Variants in EFCAB10 observed in about 807,000 individuals in gnomAD.
The protein encoded by EFCAB10 is EF-hand calcium binding domain 10.
A neutral mutation model predicts 7.7 loss-of-function variants in EFCAB10; 7 were observed. The ratio of observed to expected loss-of-function variants is 0.91; its 90% CI spans 0.52 to 1.72. EFCAB10 has a LOEUF of 1.72. Ranked by LOEUF, EFCAB10 falls within the 40% of genes most tolerant of loss-of-function variation. The pLI, the probability that EFCAB10 is intolerant of heterozygous loss-of-function variation, is 0.00. For missense variants in EFCAB10, 112 were observed against 61.5 expected, an observed-to-expected ratio of 1.82 and a Z score of -2.74; for synonymous variants, 52 against 21.0, an observed-to-expected ratio of 2.47 and a Z score of -4.03.
chr7:105,573,297 T>C (rs1791994349), intron 1 of EFCAB10: 1 of 152,202 alleles, frequency 6.6e-6, no homozygotes, highest in Non-Finnish European at 1.5e-5. Context: ...GTCTTCTGTT[T>C]CTTCTTCCTG....
intron 1 of EFCAB10, among the ~76,000 whole-genome samples, chr7:105,578,509 A>G (rs1792141330): frequency 6.6e-6 from 1 of 152,226 alleles, no homozygotes; most frequent in Non-Finnish European, 1.5e-5. Context: ...TCCAAATTTA[A>G]TAAGACCATA....
chr7:105,567,638 T>G, intron 3 of EFCAB10, 148 bp from the exon 4 acceptor site: 1 of 548,968 alleles, frequency 1.8e-6, no homozygotes, highest in Non-Finnish European at 3.2e-6. Flanking sequence ...AATTCTGTTG[T>G]GGATAATCAA....
chr7:105,580,486 ATTTTT>A (rs1468360919), intron 1 of EFCAB10, among the ~76,000 whole-genome samples: 1 of 151,446 alleles, frequency 6.6e-6, no homozygotes, highest in Non-Finnish European at 1.5e-5. Context: ...TTTTATTTTT[ATTTTT>A]ATTTTTGAGA....
At chr7:105,565,722 G>A in intron 4 of EFCAB10, 1 of 994,398 alleles carries the variant, frequency 1.0e-6, no homozygotes, top group Non-Finnish European at 1.5e-6. Context: ...TAACTTTAGG[G>A]TTCTGGAGAT....
chr7:105,574,444 C>T (rs1340173347), intron 1 of EFCAB10, among the ~76,000 whole-genome samples: 2 of 151,712 alleles, frequency 1.3e-5, no homozygotes, highest in East Asian at 3.9e-4. Flanking sequence ...CAAGTCATGT[C>T]TTACATGGAT....
intron 1 of EFCAB10, among the ~76,000 whole-genome samples, chr7:105,581,050 TC>T (rs1792220595): frequency 6.6e-6 from 1 of 152,162 alleles, no homozygotes; most frequent in South Asian, 2.1e-4. Flanking sequence ...CGAAACCCTG[TC>T]GCTACTAAAA....
chr7:105,569,654 C>T, intron 1 of EFCAB10, 83 bp from the exon 2 acceptor site: 8 of 642,944 alleles, frequency 1.2e-5, no homozygotes, highest in South Asian at 7.4e-5. Context: ...AATTATTAAA[C>T]AGCTATAGCA....
intron 1 of EFCAB10, among the ~76,000 whole-genome samples, chr7:105,570,237 A>AAAAAAAAAC (rs1791905624): frequency 1.8e-5 from 1 of 56,988 alleles, no homozygotes; most frequent in African/African-American, 7.9e-5. Flanking sequence ...AAAAAAAAAA[A>AAAAAAAAAC]AAAATATATA....
rs781780050 is a variant in EFCAB10 at position 105,574,516 on chromosome 7, G to A, written c.107-4945C>T. On this transcript the variant is annotated intron_variant, in intron 1 of 4. Transcript: ENST00000480514. ...CCTTTTTTTTTTGAGACGGAATCTC[G>A]CTCTGTTGCCCAGGCTGGAGTGCAG... Among the ~76,000 whole-genome samples, 12 of 151,564 alleles carry A rather than the reference G, an allele frequency of 7.9e-5. No homozygotes were observed. In the East Asian group the frequency reaches 9.8e-4, roughly 12 times the overall value.
At chr7:105,567,100 C>T (rs1554368693) in intron 4 of EFCAB10, 1 of 1,458,040 alleles carries the variant, frequency 6.9e-7, no homozygotes, top group South Asian at 1.5e-5. Flanking sequence ...CATTTCCCTC[C>T]TTTGTTTTCC....
At position 105,580,360 on chromosome 7, in the gene EFCAB10, C is replaced by T. The variant is rs554430060; in HGVS notation, c.106+998G>A. ...TAATTTTTTGTATTTGTAGCAGACA[C>T]GAGGTTTCACCATGTTGGCCAGGCT... On this transcript the variant is annotated intron_variant, in intron 1 of 4. Coordinates refer to ENST00000480514, the MANE Select transcript of EFCAB10 (RefSeq NM_001355526.2). Among the ~76,000 whole-genome samples, 10 of 152,120 alleles carry T rather than the reference C, an allele frequency of 6.6e-5. No individual in the cohort carries two copies. The South Asian group carries it at 1.9e-3, about 28-fold the overall frequency.
Position 105,565,218 on chromosome 7 carries a change from TA to T in EFCAB10, c.*228del. ...ACACTTCCTCAAATTTAAAATGATT[TA>T]AAAACTTGAAAAATAGAAACTGATG... On this transcript the variant is annotated 3_prime_UTR_variant, in exon 5 of 5. Transcript: ENST00000480514. The T allele has an allele frequency of 1.3e-6, 2 of 1,499,718 alleles. No individual in the cohort carries two copies. Among genetic ancestry groups the T allele is most frequent in the South Asian group, 2.5e-5 (2 of 79,168 alleles). 92.9% of individuals were successfully genotyped at this position (1,499,718 alleles called of 1,614,324 possible).
chr7:105,569,483 G>T lies in EFCAB10; in HGVS notation c.195C>A (p.Asn65Lys). The change falls in exon 2 of 5, where the codon AAC becomes AAA. Residue 65 changes from asparagine (N) to lysine (K), a missense_variant. Coordinates refer to ENST00000480514, the MANE Select transcript of EFCAB10 (RefSeq NM_001355526.2). ...TGVAFPFFMD[N>K]SNIVAMFEMM... ...TCTCAAACATAGCCACAATGTTAGA[G>T]TTATCCATAAAGAAAGGAAACGCCA... The T allele has an allele frequency of 1.4e-6, 1 of 703,084 alleles. No homozygotes were observed. The highest frequency in any genetic ancestry group is 1.5e-5 in the South Asian group (1 of 67,592). 43.6% of individuals were successfully genotyped at this position (703,084 alleles called of 1,614,324 possible).
At chr7:105,575,160 T>C (rs1248676232) in intron 1 of EFCAB10, among the ~76,000 whole-genome samples, 1 of 150,926 alleles carries the variant, frequency 6.6e-6, no homozygotes. Flanking sequence ...TGAGACTTAT[T>C]CACTATCACA....
At position 105,581,393 on chromosome 7, in the gene EFCAB10, C is replaced by T. The variant is rs1204543843; in HGVS notation, c.71G>A (p.Ser24Asn). Residue 24 changes from serine to asparagine, a missense_variant, in exon 1 of 5, where the codon AGC becomes AAC. Transcript: ENST00000480514. ...LEKHQIKEVV[S>N]YLTSALLFFR... ...GAAAAGGAGGGCGCTGGTGAGGTAG[C>T]TAACCACCTCCTTGATCTGATGCTT... is the stretch of plus-strand genomic sequence containing the variant. The T allele has an allele frequency of 1.0e-5, 7 of 703,044 alleles. No homozygotes were observed. The highest frequency in any genetic ancestry group is 8.9e-5 in the South Asian group (6 of 67,600). 43.6% of individuals were successfully genotyped at this position (703,044 alleles called of 1,614,324 possible).
chr7:105,574,287 A>G (rs1187508353), intron 1 of EFCAB10, among the ~76,000 whole-genome samples: 2 of 151,364 alleles, frequency 1.3e-5, no homozygotes, highest in Non-Finnish European at 2.9e-5. Context: ...TATATAAACA[A>G]ATACATGTAC....
Position 105,569,551 on chromosome 7 carries a change from T to C in EFCAB10, c.127A>G (p.Ile43Val), listed in dbSNP as rs1297948084. The C allele has an allele frequency of 1.4e-6, 1 of 692,662 alleles. No individual in the cohort carries two copies. The highest frequency in any genetic ancestry group is 2.7e-5 in the East Asian group (1 of 37,258). 42.9% of individuals were successfully genotyped at this position (692,662 alleles called of 1,614,324 possible). Residue 43 changes from isoleucine (I) to valine (V), a missense_variant, in exon 2 of 5, where the codon ATA becomes GTA. Coordinates refer to ENST00000480514, the MANE Select transcript of EFCAB10 (RefSeq NM_001355526.2). The part of the protein sequence containing the change: ...FRPEKPKEYL[I>V]SLLERLRIAK... ...ATTCTCAGTCGTTCCAATAGAGATA[T>C]TAAATATTCTTTTGGTTTTTCTGCA...
intron 1 of EFCAB10, among the ~76,000 whole-genome samples, chr7:105,574,610 G>C (rs930996750): frequency 6.6e-6 from 1 of 151,544 alleles, no homozygotes; most frequent in Non-Finnish European, 1.5e-5. Context: ...TCAGCCTCCC[G>C]AGTAGCTGGG....
intron 4 of EFCAB10, among the ~76,000 whole-genome samples, chr7:105,566,023 A>G (rs865326): frequency 0.04 from 6,131 of 152,288 alleles, 166 homozygotes; most frequent in East Asian, 0.087. Context: ...TAATCCCAAC[A>G]CTTCGGGAGG....
Sources: allele counts gnomAD v4.1 joint callset (sites outside exome capture counted in the v4.1 genomes callset), GRCh38; gene constraint gnomAD v4.1.1; transcripts MANE v1.5; gene names NCBI Gene and HGNC (gene_info 2026-07-23, HGNC 2026-07-21).